Variants in SLC36A1 observed in about 807,000 individuals in gnomAD.
The protein encoded by SLC36A1 is solute carrier family 36 member 1, also known as proton-coupled amino acid transporter 1.
SLC36A1 carries 30 observed loss-of-function variants against 47.5 expected under a neutral mutation model. That is an observed-to-expected ratio of 0.63 (90% confidence interval 0.47 to 0.86). SLC36A1 has a LOEUF of 0.86. Among genes scored for constraint, SLC36A1 ranks in the 40% least tolerant of loss-of-function variants. SLC36A1 has a pLI of 0.00. For synonymous variants in SLC36A1, 255 were observed against 249.7 expected, an observed-to-expected ratio of 1.02 and a Z score of -0.20; for missense variants, 517 against 606.0, an observed-to-expected ratio of 0.85 and a Z score of 1.54.
At chr5:151,406,054 A>G in the SLC36A1 span, among the ~76,000 whole-genome samples, 1 of 152,202 alleles carries the variant, frequency 6.6e-6, no homozygotes, top group South Asian at 2.1e-4. Context: ...ATGAGAGGGT[A>G]AAAGATGACC....
At chr5:151,551,976 G>GGTGTGTGTGT in the SLC36A1 span, among the ~76,000 whole-genome samples, 413 of 143,642 alleles carry the variant, frequency 2.9e-3, 1 homozygote, top group African/African-American at 8.5e-3. Flanking sequence ...TAACCCTAAG[G>GGTGTGTGTGT]GTGTGTGTGT....
At chr5:151,402,748 TC>T in the SLC36A1 span, among the ~76,000 whole-genome samples, 2 of 152,220 alleles carry the variant, frequency 1.3e-5, no homozygotes, top group Admixed American at 6.5e-5. Context: ...GTGTTTTGTT[TC>T]TAGGAATTTA....
chr5:151,540,940 A>G, the SLC36A1 span, among the ~76,000 whole-genome samples: 1 of 152,240 alleles, frequency 6.6e-6, no homozygotes, highest in Non-Finnish European at 1.5e-5. Context: ...TTATGAAGCT[A>G]CTTCTACTTC....
At chr5:151,436,653 A>G (rs1486285707), upstream of SLC36A1, among the ~76,000 whole-genome samples, 1 of 152,072 alleles carries the variant, frequency 6.6e-6, no homozygotes, top group Non-Finnish European at 1.5e-5. Context: ...AGTAAAATGA[A>G]TGAATTGCCA....
intron 9 of SLC36A1, 74 bp downstream of exon 9, chr5:151,476,830 C>A: frequency 6.5e-7 from 1 of 1,549,622 alleles, no homozygotes; most frequent in Non-Finnish European, 8.8e-7. Flanking sequence ...TGTGGATTCT[C>A]CCTCTTACTT....
chr5:151,537,319 G>GAA, the SLC36A1 span, among the ~76,000 whole-genome samples: 37,190 of 82,260 alleles, frequency 0.45, 5,681 homozygotes, highest in South Asian at 0.59. Context: ...GAAAAAGAAA[G>GAA]AGAAAAAAAG....
the SLC36A1 span, among the ~76,000 whole-genome samples, chr5:151,418,468 G>A: frequency 5.3e-5 from 8 of 152,218 alleles, no homozygotes; most frequent in Non-Finnish European, 8.8e-5. Flanking sequence ...ACTTGCATCC[G>A]TGTGACCTGG....
chr5:151,472,063 TAGTC>T (rs558516257), intron 7 of SLC36A1, among the ~76,000 whole-genome samples: 180 of 152,290 alleles, frequency 1.2e-3, no homozygotes, highest in Middle Eastern at 3.4e-3. Flanking sequence ...ACCTCTGTCT[TAGTC>T]AGGGTTCTCT....
At chr5:151,505,800 G>A in the SLC36A1 span, 25 of 1,613,814 alleles carry the variant, frequency 1.5e-5, no homozygotes, top group African/African-American at 1.3e-4. Flanking sequence ...GCTGATGGCC[G>A]TGTACTCATT....
chr5:151,395,505 G>A, the SLC36A1 span, among the ~76,000 whole-genome samples: 7 of 152,178 alleles, frequency 4.6e-5, no homozygotes, highest in East Asian at 1.3e-3. Flanking sequence ...ACTCATGCTG[G>A]GAGCTGTAGA....
chr5:151,511,354 T>C, the SLC36A1 span: 1 of 152,284 alleles, frequency 6.6e-6, no homozygotes, highest in East Asian at 1.9e-4. Flanking sequence ...GGCATGTGGG[T>C]ACACAGGAAC....
intron 10 of SLC36A1, 38 bp downstream of exon 10, chr5:151,479,527 C>T: frequency 6.3e-7 from 1 of 1,595,886 alleles, no homozygotes; most frequent in Non-Finnish European, 8.6e-7. Flanking sequence ...TTGTTTTTCC[C>T]TAAAGGGCAC....
At chr5:151,538,057 G>T in the SLC36A1 span, 1 of 851,872 alleles carries the variant, frequency 1.2e-6, no homozygotes, top group Non-Finnish European at 1.8e-6. Flanking sequence ...GACACTAAGA[G>T]GGCAGAGACG....
At chr5:151,483,270 G>A (rs1759052078) in intron 10 of SLC36A1, among the ~76,000 whole-genome samples, 1 of 152,140 alleles carries the variant, frequency 6.6e-6, no homozygotes, top group Non-Finnish European at 1.5e-5. Context: ...TTCCTTCTGT[G>A]AACATGACTG....
At chr5:151,426,737 G>A in the SLC36A1 span, among the ~76,000 whole-genome samples, 356 of 152,198 alleles carry the variant, frequency 2.3e-3, 1 homozygote, top group African/African-American at 8.0e-3. Flanking sequence ...CGGGCTGGGG[G>A]ATGGTCAGGT....
intron 8 of SLC36A1, among the ~76,000 whole-genome samples, chr5:151,474,313 G>A (rs1169691461): frequency 6.6e-6 from 1 of 151,974 alleles, no homozygotes; most frequent in Non-Finnish European, 1.5e-5. Flanking sequence ...CCCCTTCACT[G>A]CACACTCATC....
chr5:151,367,976 G>C, the SLC36A1 span, among the ~76,000 whole-genome samples: 2 of 152,160 alleles, frequency 1.3e-5, no homozygotes, highest in South Asian at 2.1e-4. Context: ...GGATGCAGGA[G>C]GGTAGGAGGC....
the SLC36A1 span, among the ~76,000 whole-genome samples, chr5:151,539,243 T>G: frequency 2.6e-5 from 4 of 152,314 alleles, no homozygotes; most frequent in African/African-American, 9.6e-5. Flanking sequence ...CAGACTCTCT[T>G]TTTCTACAGT....
the SLC36A1 span, among the ~76,000 whole-genome samples, chr5:151,400,794 T>C: frequency 6.6e-6 from 1 of 152,184 alleles, no homozygotes; most frequent in African/African-American, 2.4e-5. Flanking sequence ...CATTTTTTCA[T>C]GTTTGGTGGC....
Sources: allele counts gnomAD v4.1 joint callset (sites outside exome capture counted in the v4.1 genomes callset), GRCh38; gene constraint gnomAD v4.1.1; transcripts MANE v1.5; gene names NCBI Gene and HGNC (gene_info 2026-07-23, HGNC 2026-07-21).